Variants in FAM20C observed in about 807,000 individuals in gnomAD.
The protein encoded by FAM20C is FAM20C golgi associated secretory pathway kinase.
In FAM20C, 40 loss-of-function variants were observed where a neutral mutation model predicts 51.5. The ratio of observed to expected loss-of-function variants is 0.78; its 90% confidence interval spans 0.60 to 1.01. The LOEUF (loss-of-function observed/expected upper bound fraction) is 1.01. Among genes scored for constraint, FAM20C ranks in the 50% least tolerant of loss-of-function variants. The probability of loss-of-function intolerance (pLI) is 0.00; values close to 1 mark genes in which losing one functional copy is unlikely to be tolerated. For synonymous variants in FAM20C, 406 were observed against 380.6 expected (o/e 1.07, Z -0.78); for missense variants, 861 against 844.7 (o/e 1.02, Z -0.24).
At position 194,246 on chromosome 7, in the gene FAM20C, G is replaced by C. The variant is rs536276990; in HGVS notation, c.605+442G>C. The C allele has an allele frequency of 2.7e-4, 44 of 160,688 alleles. 2 individuals carry two copies. The South Asian group carries it at 8.5e-3, about 31-fold the overall frequency. 10.0% of individuals were successfully genotyped at this position (160,688 alleles called of 1,614,324 possible). On this transcript the variant is annotated intron_variant, in intron 1 of 9. Transcript: ENST00000313766. ...TTGAGTCTTTTAAACCCAGTGGCTG[G>C]AGCAGAATTATCAGAGGGGCTTGCT...
At chr7:240,338 T>A (rs1277393297) in intron 3 of FAM20C, among the ~76,000 whole-genome samples, 30 of 14,444 alleles carry the variant, frequency 2.1e-3, no homozygotes, top group Non-Finnish European at 5.3e-3. Flanking sequence ...AGGTGATGAT[T>A]ATGATGTTGA....
rs1788821481 is a variant in FAM20C, at chr7:260,061, C to T, written c.*81C>T. On this transcript the variant is annotated 3_prime_UTR_variant, in exon 10 of 10. Transcript: ENST00000313766. ...CAAGCGCATGCGCCCGTCGTGAATT[C>T]AGTGAATTCAGAGGCAGGACGGGAT... 1 of 1,421,634 alleles carries T rather than the reference C, an allele frequency of 7.0e-7. No individual in the cohort carries two copies. The highest frequency in any genetic ancestry group is 9.2e-7 in the Non-Finnish European group (1 of 1,086,080). 88.1% of individuals were successfully genotyped at this position (1,421,634 alleles called of 1,614,324 possible). A position where few individuals can be genotyped will look rare whatever the true frequency, so the allele number is the denominator to read the frequency against.
At position 192,774 on chromosome 7, in the gene FAM20C, G is replaced by A. The variant is rs1785619021; in HGVS notation, c.-426G>A. Among the ~76,000 whole-genome samples the A allele has an allele frequency of 6.8e-6, 1 of 147,460 alleles. No homozygotes were observed. Among genetic ancestry groups the A allele is most frequent in the Admixed American group, 6.7e-5 (1 of 14,912 alleles). On this transcript the variant is annotated 5_prime_UTR_variant, in exon 1 of 10. Transcript: ENST00000313766. The stretch of plus-strand genomic sequence containing the variant: ...CCGCCCGCCCGGCGCCTGGAGAGGA[G>A]CGCGCTGAGGATCGGGACGCCTGCG...
chr7:233,427 C>T (rs890924567), intron 3 of FAM20C, among the ~76,000 whole-genome samples: 1 of 152,214 alleles, frequency 6.6e-6, no homozygotes, highest in East Asian at 1.9e-4. Flanking sequence ...GTATTCCCCT[C>T]CTTGGCTGCT....
rs960652603 is a variant in FAM20C at position 259,894 on chromosome 7, G to A, written c.1669G>A (p.Val557Ile). ...GCGGCTCCGCGTCGTGCTAAAGGCC[G>A]TCCGGGACTGCGTGGAGAGGAACGG... ...DRRLRVVLKA[V>I]RDCVERNGLH... The change falls in exon 10 of 10, where the codon GTC becomes ATC. Residue 557 changes from valine to isoleucine, a missense_variant. Val to Ile is a conservative substitution (Grantham distance 29, BLOSUM62 3). Transcript: ENST00000313766. 2.7e-5 allele frequency: 41 copies of A among 1,535,652 alleles called. No individual in the cohort carries two copies. The highest frequency in any genetic ancestry group is 8.2e-5 in the African/African-American group (6 of 73,060).
chr7:228,235 G>A (rs1787520130), intron 3 of FAM20C: 1 of 331,514 alleles, frequency 3.0e-6, no homozygotes. Context: ...GAAAATAAAA[G>A]ATAGGTCAGT....
chr7:193,811 G>T lies in FAM20C; in HGVS notation c.605+7G>T. ...CGGCGGAGAACCCGGACTGGTGAGT[G>T]GGGGCTGGCAGGTGCCCACCCCCAA... On this transcript the variant is annotated splice_region_variant and intron_variant, in intron 1 of 9. Transcript: ENST00000313766. 8 of 1,554,564 alleles carry T rather than the reference G, an allele frequency of 5.1e-6. No individual in the cohort carries two copies. Among genetic ancestry groups the T allele is most frequent in the Non-Finnish European group, 7.0e-6 (8 of 1,149,424 alleles).
At chr7:226,201 A>G (rs1356533983) in intron 3 of FAM20C, among the ~76,000 whole-genome samples, 4 of 152,116 alleles carry the variant, frequency 2.6e-5, no homozygotes, top group Non-Finnish European at 5.9e-5. Context: ...GGCCCACTGC[A>G]GGCCGCCCTC....
At position 208,912 on chromosome 7, in the gene FAM20C, G is replaced by T. The variant is rs1786574357; in HGVS notation, c.799G>T (p.Gly267Cys). 1.3e-6 allele frequency: 2 copies of T among 1,577,920 alleles called. No individual in the cohort carries two copies. Among genetic ancestry groups the T allele is most frequent in the Non-Finnish European group, 1.7e-6 (2 of 1,161,910 alleles). The part of the protein sequence containing the change: ...RITSVAMKSG[G>C]TQLKLIMTFQ... Reference sequence around the variant, plus strand: ...CCTTCCTGCAGCCATGAAGTCGGGGGGCACGCAGCTGAAGCTCATCATGAC... The same window carrying T: ...CCTTCCTGCAGCCATGAAGTCGGGGTGCACGCAGCTGAAGCTCATCATGAC... Residue 267 changes from glycine (G) to cysteine (C), a missense_variant, in exon 3 of 10, where the codon GGC becomes TGC. Gly to Cys is a radical substitution (Grantham distance 159, BLOSUM62 -3). Transcript: ENST00000313766.
intron 3 of FAM20C, chr7:245,864 A>G (rs962844613): frequency 6.6e-6 from 1 of 152,618 alleles, no homozygotes. Flanking sequence ...CGGTGCCCAC[A>G]TTGCCCTTCT....
intron 8 of FAM20C, among the ~76,000 whole-genome samples, chr7:258,278 C>CCCA (rs1788713139): frequency 7.5e-6 from 1 of 133,134 alleles, no homozygotes; most frequent in Non-Finnish European, 1.6e-5. Context: ...GCAGGGTGGA[C>CCCA]CCACTGCCTG....
At chr7:247,216 C>G (rs917462551) in intron 4 of FAM20C, among the ~76,000 whole-genome samples, 1 of 152,194 alleles carries the variant, frequency 6.6e-6, no homozygotes, top group African/African-American at 2.4e-5. Context: ...AAAGTGAACC[C>G]CTTGTGAGGG....
intron 8 of FAM20C, among the ~76,000 whole-genome samples, chr7:258,366 C>T (rs796258723): frequency 5.1e-5 from 5 of 98,806 alleles, no homozygotes; most frequent in South Asian, 3.7e-4. Context: ...GCCTGAGGTG[C>T]TGGAGATGGG....
chr7:209,984 C>T (rs1278843407), intron 3 of FAM20C, among the ~76,000 whole-genome samples: 5 of 152,054 alleles, frequency 3.3e-5, no homozygotes, highest in African/African-American at 1.2e-4. Context: ...CCAAGACCCA[C>T]GAGTCCTGCC....
intron 9 of FAM20C, 99 bp from the exon 10 acceptor site, chr7:259,631 TC>T: frequency 1.4e-6 from 2 of 1,387,264 alleles, no homozygotes; most frequent in Non-Finnish European, 1.9e-6. Flanking sequence ...TCTCTGTCTC[TC>T]CCCCCACTCT....
intron 2 of FAM20C, among the ~76,000 whole-genome samples, chr7:198,463 A>G (rs1263991778): frequency 6.6e-6 from 1 of 152,206 alleles, no homozygotes; most frequent in African/African-American, 2.4e-5. Flanking sequence ...GGCTGAACGT[A>G]TTTAGGGGCA....
chr7:258,621 G>T (rs1316801536), intron 8 of FAM20C, 25 bp from the exon 9 acceptor site: 1 of 1,536,484 alleles, frequency 6.5e-7, no homozygotes, highest in Non-Finnish European at 8.7e-7. Flanking sequence ...AGGGGCCCTT[G>T]ACAATTCTGC....
At chr7:250,706 C>T (rs1407583255) in intron 5 of FAM20C, among the ~76,000 whole-genome samples, 1 of 152,250 alleles carries the variant, frequency 6.6e-6, no homozygotes, top group East Asian at 1.9e-4. Context: ...GCCCCACCGT[C>T]CACAGGACTG....
intron 3 of FAM20C, among the ~76,000 whole-genome samples, chr7:223,159 C>G (rs1332272411): frequency 1.3e-5 from 2 of 152,148 alleles, no homozygotes; most frequent in African/African-American, 4.8e-5. Flanking sequence ...GGGACCAGGG[C>G]TGGTCCCCAG....
Sources: gnomAD v4.1 joint callset for allele counts (sites outside exome capture counted in the v4.1 genomes callset) on GRCh38, gnomAD v4.1.1 for gene constraint, MANE v1.5 for transcripts, NCBI Gene and HGNC (gene_info 2026-07-23, HGNC 2026-07-21) for gene names.